Variants in DOCK3 observed in about 807,000 individuals in gnomAD.
DOCK3 encodes the protein dedicator of cytokinesis protein 3.
In DOCK3, 60 loss-of-function variants were observed where a neutral mutation model predicts 265.6. The observed-to-expected ratio is 0.23, with a 90% CI of 0.18 to 0.28. The LOEUF (loss-of-function observed/expected upper bound fraction) is 0.28. Ranked by LOEUF, DOCK3 falls within the 10% of genes least tolerant of loss-of-function variation. DOCK3 has a pLI of 1.00. For missense variants in DOCK3, 1,981 were observed against 2,594.3 expected (o/e 0.76, Z 5.14); for synonymous variants, 881 against 938.0 (o/e 0.94, Z 1.11).
intron 32 of DOCK3, among the ~76,000 whole-genome samples, chr3:51,324,668 A>T (rs1453381080): frequency 2.6e-5 from 4 of 152,208 alleles, no homozygotes; most frequent in African/African-American, 9.6e-5. Flanking sequence ...TTCAAACTAT[A>T]CTACAAGGCT....
chr3:50,723,478 C>T (rs974119285), intron 1 of DOCK3, among the ~76,000 whole-genome samples: 31 of 152,104 alleles, frequency 2.0e-4, no homozygotes, highest in African/African-American at 6.5e-4. Context: ...TGAGAACAGC[C>T]TGGCCAACAT....
chr3:50,885,174 C>G (rs956197632), intron 3 of DOCK3, among the ~76,000 whole-genome samples: 1 of 152,150 alleles, frequency 6.6e-6, no homozygotes, highest in African/African-American at 2.4e-5. Flanking sequence ...ATTTCTTTCA[C>G]TTAGCAATAT....
intron 23 of DOCK3, among the ~76,000 whole-genome samples, chr3:51,261,799 A>T (rs2079865057): frequency 6.6e-6 from 1 of 152,142 alleles, no homozygotes; most frequent in Non-Finnish European, 1.5e-5. Flanking sequence ...AGCTGACAGG[A>T]ACTTTGGACA....
At chr3:51,078,793 G>A (rs1402658505) in intron 7 of DOCK3, among the ~76,000 whole-genome samples, 1 of 152,078 alleles carries the variant, frequency 6.6e-6, no homozygotes, top group African/African-American at 2.4e-5. Flanking sequence ...GGAAACTACT[G>A]AAGAGTAAGT....
intron 2 of DOCK3, among the ~76,000 whole-genome samples, chr3:50,836,373 A>G (rs1190470793): frequency 1.3e-5 from 2 of 152,258 alleles, no homozygotes; most frequent in African/African-American, 4.8e-5. Flanking sequence ...CTAAACCTCA[A>G]TTCTTGTCTT....
intron 3 of DOCK3, among the ~76,000 whole-genome samples, chr3:50,887,074 G>C (rs2048380745): frequency 6.6e-6 from 1 of 152,178 alleles, no homozygotes; most frequent in African/African-American, 2.4e-5. Context: ...GAATCCAGGA[G>C]CTGGTTTTTT....
intron 1 of DOCK3, among the ~76,000 whole-genome samples, chr3:50,769,780 C>T (rs1426061718): frequency 7.0e-6 from 1 of 142,810 alleles, no homozygotes; most frequent in Non-Finnish European, 1.5e-5. Flanking sequence ...CCATTGCAGT[C>T]CAGCCTGGGC....
chr3:51,380,167 G>C lies in DOCK3; in HGVS notation c.5543G>C (p.Gly1848Ala). The C allele has an allele frequency of 6.2e-7, 1 of 1,613,660 alleles. No homozygotes were observed. Among genetic ancestry groups the C allele is most frequent in the Non-Finnish European group, 8.5e-7 (1 of 1,179,748 alleles). ...TTTGACGCCTTCCACCACCCTCTGGGTGATACCCCCCCAGCCCTCCCTGCC... is the reference window on the plus strand; with the variant it reads ...TTTGACGCCTTCCACCACCCTCTGGCTGATACCCCCCCAGCCCTCCCTGCC... ...LHFDAFHHPL[G>A]DTPPALPART... The change falls in exon 52 of 53, where the codon GGT becomes GCT. Residue 1848 changes from glycine to alanine, a missense_variant. Physicochemically the swap from Gly to Ala is moderately conservative, Grantham distance 60. Coordinates refer to ENST00000266037, the MANE Select transcript of DOCK3 (RefSeq NM_004947.5).
At chr3:50,716,920 G>A (rs1215546897) in intron 1 of DOCK3, among the ~76,000 whole-genome samples, 1 of 152,018 alleles carries the variant, frequency 6.6e-6, no homozygotes, top group East Asian at 1.9e-4. Flanking sequence ...TTTTTCTGGA[G>A]TTTCTCTGTG....
In DOCK3 at chr3:50,690,075, T is replaced by G. The variant is rs2035102828; in HGVS notation, c.37+14775T>G. Among the ~76,000 whole-genome samples the G allele has an allele frequency of 2.0e-5, 3 of 152,128 alleles. No homozygotes were observed. In the South Asian group the frequency reaches 6.2e-4, roughly 31 times the overall value. ...GATCATGAAGCTTTTCCCCTATGGT[T>G]GTTTATAATTTATTTTTATTGTGGC... On this transcript the variant is annotated intron_variant, in intron 1 of 52. Transcript: ENST00000266037.
At chr3:51,204,234 CA>C (rs1340709487) in intron 12 of DOCK3, among the ~76,000 whole-genome samples, 1 of 148,130 alleles carries the variant, frequency 6.8e-6, no homozygotes, top group Non-Finnish European at 1.5e-5. Context: ...AGGCAACCCA[CA>C]AAATGGGAGA....
intron 51 of DOCK3, among the ~76,000 whole-genome samples, chr3:51,378,732 A>G (rs1015232546): frequency 6.6e-6 from 1 of 152,204 alleles, no homozygotes; most frequent in African/African-American, 2.4e-5. Flanking sequence ...AGGTCCAGCC[A>G]TCATTCCTCT....
intron 3 of DOCK3, chr3:50,877,519 T>C (rs1295672571): frequency 1.9e-6 from 1 of 520,208 alleles, no homozygotes; most frequent in East Asian, 5.4e-5. Context: ...GTTTGGCTTC[T>C]GTAATGTGAT....
chr3:50,731,223 C>T (rs770547571), intron 1 of DOCK3, among the ~76,000 whole-genome samples: 17 of 151,642 alleles, frequency 1.1e-4, no homozygotes, highest in Non-Finnish European at 1.8e-4. Context: ...AAGGATAATA[C>T]ACCACAACCA....
chr3:51,168,337 A>G (rs1411080366), intron 12 of DOCK3, among the ~76,000 whole-genome samples: 1 of 152,224 alleles, frequency 6.6e-6, no homozygotes, highest in Admixed American at 6.5e-5. Flanking sequence ...CCTGACTTCA[A>G]GCTATACTAC....
At chr3:51,366,225 T>C (rs1179214446) in intron 49 of DOCK3, among the ~76,000 whole-genome samples, 1 of 152,174 alleles carries the variant, frequency 6.6e-6, no homozygotes, top group East Asian at 1.9e-4. Context: ...GGAGGGTGTA[T>C]GTGTCCAGGA....
At chr3:51,010,623 A>G (rs1323227466) in intron 5 of DOCK3, among the ~76,000 whole-genome samples, 2 of 152,162 alleles carry the variant, frequency 1.3e-5, no homozygotes, top group Non-Finnish European at 2.9e-5. Flanking sequence ...GTTTACATTT[A>G]AGGTGAATAT....
chr3:51,373,709 T>G (rs112265116), intron 49 of DOCK3, among the ~76,000 whole-genome samples: 1 of 152,154 alleles, frequency 6.6e-6, no homozygotes, highest in Non-Finnish European at 1.5e-5. Flanking sequence ...GAGTAGAACA[T>G]GAATCAAGTC....
intron 51 of DOCK3, among the ~76,000 whole-genome samples, chr3:51,376,091 T>A (rs2088103173): frequency 6.6e-6 from 1 of 152,184 alleles, no homozygotes; most frequent in South Asian, 2.1e-4. Flanking sequence ...TGAGCCCACC[T>A]TTATGGAAAC....
Sources: gnomAD v4.1 joint callset for allele counts (sites outside exome capture counted in the v4.1 genomes callset) on GRCh38, gnomAD v4.1.1 for gene constraint, MANE v1.5 for transcripts, NCBI Gene and HGNC (gene_info 2026-07-23, HGNC 2026-07-21) for gene names.